The following DSC2 variants were observed in gnomAD, a reference collection of about 807,000 sequenced individuals.
DSC2 encodes desmocollin 2, also known as desmocollin-2.
DSC2 carries 51 observed loss-of-function variants against 87.6 expected under a neutral mutation model. The observed-to-expected ratio is 0.58, with a 90% CI of 0.46 to 0.74. The LOEUF is 0.74. Ranked by LOEUF, DSC2 falls within the 30% of genes least tolerant of loss-of-function variation. The probability of loss-of-function intolerance (pLI) is 0.00; values close to 1 mark genes in which losing one functional copy is unlikely to be tolerated. For missense variants in DSC2, 1,066 were observed against 1,089.5 expected (o/e 0.98, Z 0.30); for synonymous variants, 383 against 393.2 (o/e 0.97, Z 0.31).
chr18:31,099,080 T>C (rs767237516), intron 1 of DSC2, among the ~76,000 whole-genome samples: 1 of 152,194 alleles, frequency 6.6e-6, no homozygotes, highest in Non-Finnish European at 1.5e-5. Context: ...AGATAATAAA[T>C]GCTGTGTCAC....
At chr18:31,078,569 T>C (rs1987097643) in intron 11 of DSC2, among the ~76,000 whole-genome samples, 1 of 152,138 alleles carries the variant, frequency 6.6e-6, no homozygotes, top group South Asian at 2.1e-4. Flanking sequence ...TTTTTTTTTC[T>C]TTTCATTTGC....
intron 7 of DSC2, among the ~76,000 whole-genome samples, chr18:31,084,103 G>C (rs1157396758): frequency 6.6e-6 from 1 of 152,082 alleles, no homozygotes; most frequent in Admixed American, 6.5e-5. Context: ...TACCTAGAAT[G>C]TTCACCCTTC....
intron 1 of DSC2, among the ~76,000 whole-genome samples, chr18:31,100,491 T>G (rs548699372): frequency 6.6e-6 from 1 of 152,352 alleles, no homozygotes; most frequent in South Asian, 2.1e-4. Context: ...TTTATTCCAT[T>G]CTTGGTTTCC....
intron 11 of DSC2, among the ~76,000 whole-genome samples, chr18:31,077,280 A>G (rs1987054879): frequency 6.6e-6 from 1 of 152,192 alleles, no homozygotes; most frequent in Non-Finnish European, 1.5e-5. Context: ...TCTGTCCCTC[A>G]ACTTCTCCTG....
At position 31,063,856 on chromosome 18, in the gene DSC2, T is replaced by C. The variant is rs1280554997; in HGVS notation, c.*4159A>G. The C allele has an allele frequency of 6.6e-6, 1 of 152,162 alleles. No homozygotes were observed. The highest frequency in any genetic ancestry group is 1.5e-5 in the Non-Finnish European group (1 of 68,038). The allele number at this position is 152,162 out of a possible 1,614,324, so 9.4% of individuals were successfully genotyped here. ...TAACCCCATCATAAGTCAAGAAGCA[T>C]CTGTATTTAAAAGTGATTTTGTGTT... On this transcript the variant is annotated 3_prime_UTR_variant, in exon 16 of 16. Transcript: ENST00000280904.
chr18:31,101,344 C>G lies in DSC2; in HGVS notation c.69+559G>C, dbSNP rs550055666. ...CAGAAAGGCGAGCAGTTCCCTTTTTCACCCAAGGACACTCGCTCTCCGTCC... is the reference window on the plus strand; with the variant it reads ...CAGAAAGGCGAGCAGTTCCCTTTTTGACCCAAGGACACTCGCTCTCCGTCC... On this transcript the variant is annotated intron_variant, in intron 1 of 15. Coordinates refer to ENST00000280904, the MANE Select transcript of DSC2 (RefSeq NM_024422.6). The G allele has an allele frequency of 4.3e-5, 37 of 859,920 alleles. 1 individual carries two copies. In the South Asian group the frequency reaches 1.8e-3, roughly 42 times the overall value. 53.3% of individuals were successfully genotyped at this position (859,920 alleles called of 1,614,324 possible).
intron 1 of DSC2, among the ~76,000 whole-genome samples, chr18:31,096,988 G>C (rs1987779756): frequency 6.6e-6 from 1 of 152,068 alleles, no homozygotes; most frequent in African/African-American, 2.4e-5. Context: ...AATATGGTTA[G>C]TCTTCATACC....
Position 31,076,547 on chromosome 18 carries a change from A to G in DSC2, c.1664-1640T>C, listed in dbSNP as rs184486806. Among the ~76,000 whole-genome samples, 204 of 152,346 alleles carry G rather than the reference A, an allele frequency of 1.3e-3. 1 individual carries two copies. The highest frequency in any genetic ancestry group is 3.4e-3 in the Middle Eastern group (1 of 294). Reference sequence around the variant, plus strand: ...ACAGGTATGTTTAGAATCTTCAAAGACATAAAGAGGGGTAACCAATTAAAC... The same window carrying G: ...ACAGGTATGTTTAGAATCTTCAAAGGCATAAAGAGGGGTAACCAATTAAAC... On this transcript the variant is annotated intron_variant, in intron 11 of 15. Transcript: ENST00000280904.
intron 3 of DSC2, chr18:31,091,448 T>A: frequency 2.0e-6 from 1 of 512,422 alleles, no homozygotes; most frequent in South Asian, 1.5e-5. Context: ...CCCATTGCCA[T>A]GCAAAAACAT....
At position 31,067,239 on chromosome 18, in the gene DSC2, C is replaced by A. The variant is rs1986652264; in HGVS notation, c.*776G>T. 3 of 139,466 alleles carry A rather than the reference C, an allele frequency of 2.2e-5. No individual in the cohort carries two copies. Among genetic ancestry groups the A allele is most frequent in the African/African-American group, 8.7e-5 (3 of 34,486 alleles). 8.6% of individuals were successfully genotyped at this position (139,466 alleles called of 1,614,324 possible). A position where few individuals can be genotyped will look rare whatever the true frequency, so the allele number is the denominator to read the frequency against. On this transcript the variant is annotated 3_prime_UTR_variant, in exon 16 of 16. Transcript: ENST00000280904. Reference sequence around the variant, plus strand: ...TTTAAAATATTTGGATTCTTTAGCCCATATGGAAATTAAAAAAAAAAAAAA... The same window carrying A: ...TTTAAAATATTTGGATTCTTTAGCCAATATGGAAATTAAAAAAAAAAAAAA...
At chr18:31,096,057 G>T (rs1283270610) in intron 1 of DSC2, among the ~76,000 whole-genome samples, 5 of 152,106 alleles carry the variant, frequency 3.3e-5, no homozygotes, top group African/African-American at 9.7e-5. Context: ...AAAGCACATG[G>T]ATCTTTTTTC....
intron 3 of DSC2, among the ~76,000 whole-genome samples, chr18:31,091,731 A>G (rs1439748466): frequency 6.6e-6 from 1 of 152,226 alleles, no homozygotes; most frequent in Admixed American, 6.5e-5. Context: ...TTTTAAGACC[A>G]CAGATTATGC....
rs752873618 is a variant in DSC2 at position 31,069,049 on chromosome 18, C to T, written c.2353G>A (p.Glu785Lys). 15 of 1,613,988 alleles carry T rather than the reference C, an allele frequency of 9.3e-6. No individual in the cohort carries two copies. Among genetic ancestry groups the T allele is most frequent in the African/African-American group, 1.3e-5 (1 of 74,902 alleles). ...GIKNGGQETI[E>K]MVKGGHQTSE... is the part of the protein sequence containing the mutation. ...GTCTGGTGTCCTCCTTTCACCATTT[C>T]GATGGTCTCCTGACCTCCGTTTTTG... The change falls in exon 15 of 16, where the codon GAA (glutamate) becomes AAA (lysine). Residue 785 changes from glutamate to lysine, a missense_variant. Glu to Lys is a moderately conservative substitution (Grantham distance 56, BLOSUM62 1). Transcript: ENST00000280904.
In DSC2 at chr18:31,087,726, A is replaced by T; in HGVS notation, c.718T>A (p.Tyr240Asn). 1 of 1,613,832 alleles carries T rather than the reference A, an allele frequency of 6.2e-7. No individual in the cohort carries two copies. Among genetic ancestry groups the T allele is most frequent in the Non-Finnish European group, 8.5e-7 (1 of 1,179,866 alleles). ...TAAGTTTCTTCTGTAAAAATTGGGT[A>T]GTTATCATTTTCATCCTCTATTTTG... is the stretch of plus-strand genomic sequence containing the variant. ...IIKIEDENDNYPIFTEETYTF... is the reference protein window; with the variant it reads ...IIKIEDENDNNPIFTEETYTF... Residue 240 changes from tyrosine (Y) to asparagine (N), a missense_variant, in exon 6 of 16, where the codon TAC (tyrosine) becomes AAC (asparagine). Physicochemically the swap from Tyr to Asn is moderately radical, Grantham distance 143. Transcript: ENST00000280904.
chr18:31,070,942 TA>T (rs1986808070), intron 13 of DSC2, 92 bp from the exon 14 acceptor site: 17 of 1,446,142 alleles, frequency 1.2e-5, no homozygotes, highest in South Asian at 4.8e-5. Flanking sequence ...ATCATAAACT[TA>T]AAAGTGTATA....
intron 12 of DSC2, among the ~76,000 whole-genome samples, chr18:31,072,741 C>T (rs936116190): frequency 2.0e-5 from 3 of 152,198 alleles, no homozygotes; most frequent in African/African-American, 4.8e-5. Flanking sequence ...CCCTCTCCCA[C>T]ATAGCTGCCC....
rs777864705 is a variant in DSC2, at chr18:31,069,051, A to G, written c.2351T>C (p.Ile784Thr). The G allele has an allele frequency of 6.2e-7, 1 of 1,614,014 alleles. No individual in the cohort carries two copies. Among genetic ancestry groups the G allele is most frequent in the Non-Finnish European group, 8.5e-7 (1 of 1,179,994 alleles). Residue 784 changes from isoleucine to threonine, a missense_variant, in exon 15 of 16, where the codon ATC (isoleucine) becomes ACC (threonine). Ile to Thr is a moderately conservative substitution (Grantham distance 89). Coordinates refer to ENST00000280904, the MANE Select transcript of DSC2 (RefSeq NM_024422.6). ...CTGGTGTCCTCCTTTCACCATTTCGATGGTCTCCTGACCTCCGTTTTTGAT... is the reference window on the plus strand; with the variant it reads ...CTGGTGTCCTCCTTTCACCATTTCGGTGGTCTCCTGACCTCCGTTTTTGAT... ...SGIKNGGQETIEMVKGGHQTS... is the reference protein window; with the variant it reads ...SGIKNGGQETTEMVKGGHQTS...
In DSC2 at chr18:31,064,140, A is replaced by C. The variant is rs1986558421; in HGVS notation, c.*3875T>G. On this transcript the variant is annotated 3_prime_UTR_variant, in exon 16 of 16. Transcript: ENST00000280904. ...TGCTTGGATTGGGAGTAGCAGAAGC[A>C]GAAGTTCACTCACTAGTGTCCTGAA... The C allele has an allele frequency of 6.6e-6, 1 of 152,212 alleles. No homozygotes were observed. The highest frequency in any genetic ancestry group is 2.4e-5 in the African/African-American group (1 of 41,446). 9.4% of individuals were successfully genotyped at this position (152,212 alleles called of 1,614,324 possible). A position where few individuals can be genotyped will look rare whatever the true frequency, so the allele number is the denominator to read the frequency against.
rs1393087393 is a variant in DSC2, at chr18:31,068,933, G to A, written c.2469C>T (p.Tyr823=). ...GCTGAGTAAAACTGTGCCACTCCGA[G>A]TAAGTGTATCTGCAGTTGTCCACCT... ...HTEVDNCRYT[Y]SEWHSFTQPR... The change falls in exon 15 of 16, where the codon TAC becomes TAT. Residue 823 remains tyrosine, a synonymous_variant. Transcript: ENST00000280904. The A allele has an allele frequency of 2.5e-6, 4 of 1,614,050 alleles. No individual in the cohort carries two copies. Among genetic ancestry groups the A allele is most frequent in the Admixed American group, 1.7e-5 (1 of 60,018 alleles).
Sources: allele counts gnomAD v4.1 joint callset (sites outside exome capture counted in the v4.1 genomes callset), GRCh38; gene constraint gnomAD v4.1.1; transcripts MANE v1.5; gene names NCBI Gene and HGNC (gene_info 2026-07-23, HGNC 2026-07-21).